The following KLHL5 variants were observed in gnomAD, a reference collection of about 807,000 sequenced individuals.
The protein encoded by KLHL5 is kelch-like protein 5.
Under a neutral mutation model 77.7 loss-of-function variants are expected in KLHL5, and 48 were observed. The observed-to-expected ratio is 0.62, with a 90% CI of 0.49 to 0.79. The LOEUF (loss-of-function observed/expected upper bound fraction) is 0.79, where lower values mean the gene tolerates loss of function less well. KLHL5 is among the 30% of genes least tolerant of loss of function. The pLI is 0.00. For missense variants in KLHL5, 723 were observed against 859.7 expected (o/e 0.84, Z 1.99); for synonymous variants, 260 against 297.0 (o/e 0.88, Z 1.28).
rs528072939 is a variant in KLHL5 at position 39,114,160 on chromosome 4, T to A, written c.1901+928T>A. On this transcript the variant is annotated intron_variant, in intron 9 of 10. Transcript: ENST00000504108. ...TAACAGAATATCCAGGACTGATTAA[T>A]TTATAAAGAAAAGAGGTTTATTTAG... 2.0e-5 allele frequency among the ~76,000 whole-genome samples: 3 copies of A among 152,322 alleles called. No homozygotes were observed. The East Asian group carries it at 5.8e-4, about 29-fold the overall frequency.
At chr4:39,104,928 G>C (rs1721904905) in intron 7 of KLHL5, among the ~76,000 whole-genome samples, 1 of 151,976 alleles carries the variant, frequency 6.6e-6, no homozygotes, top group African/African-American at 2.4e-5. Context: ...ACCACGCCCA[G>C]CTAATTTTTG....
At chr4:39,049,698 AAAATAAATAAATAAAAAAT>A (rs1392764769) in intron 1 of KLHL5, among the ~76,000 whole-genome samples, 6 of 147,672 alleles carry the variant, frequency 4.1e-5, no homozygotes, top group East Asian at 2.0e-4. Flanking sequence ...CCTTGTCTCA[AAAATAAATAAATAAAAAAT>A]AAATAAATAA....
the KLHL5 span, among the ~76,000 whole-genome samples, chr4:39,132,378 G>A: frequency 2.4e-3 from 364 of 152,254 alleles, 3 homozygotes; most frequent in Middle Eastern, 0.02. Flanking sequence ...GAAAGCTGAG[G>A]CGGGTGAATC....
At chr4:39,080,982 T>C in intron 2 of KLHL5, 121 bp from the exon 3 acceptor site, 1 of 920,464 alleles carries the variant, frequency 1.1e-6, no homozygotes. Flanking sequence ...TTGTCAAGCT[T>C]AAAATGCATT....
chr4:39,045,849 G>GT (rs1716142099), intron 1 of KLHL5, among the ~76,000 whole-genome samples: 1 of 147,770 alleles, frequency 6.8e-6, no homozygotes, highest in Non-Finnish European at 1.5e-5. Flanking sequence ...CCAATATTCT[G>GT]TTTCTGGTGT....
chr4:39,118,232 C>T (rs1272170387), intron 10 of KLHL5, among the ~76,000 whole-genome samples: 2 of 152,078 alleles, frequency 1.3e-5, no homozygotes, highest in Non-Finnish European at 2.9e-5. Flanking sequence ...AGGTTGAGTT[C>T]TGGTATTTTC....
chr4:39,068,970 T>C (rs1171327779), intron 1 of KLHL5, among the ~76,000 whole-genome samples: 3 of 152,208 alleles, frequency 2.0e-5, no homozygotes, highest in Non-Finnish European at 2.9e-5. Flanking sequence ...GAAGTTTGTT[T>C]TTCTATCACC....
At chr4:39,080,515 G>T (rs1719512990) in intron 2 of KLHL5, among the ~76,000 whole-genome samples, 1 of 148,786 alleles carries the variant, frequency 6.7e-6, no homozygotes, top group Non-Finnish European at 1.5e-5. Context: ...AACAGAATGA[G>T]ACTGTCTCAA....
rs562874108 is a variant in KLHL5 at position 39,083,358 on chromosome 4, T to C, written c.900+1199T>C. ...ATTGTTGTCATCATCATTATATAGA[T>C]TTCCTCTATCCAAAACAATAGAAAA... On this transcript the variant is annotated intron_variant, in intron 4 of 10. Transcript: ENST00000504108. 2.0e-5 allele frequency among the ~76,000 whole-genome samples: 3 copies of C among 152,278 alleles called. No individual in the cohort carries two copies. The South Asian group carries it at 6.2e-4, about 32-fold the overall frequency.
chr4:39,050,166 T>G (rs2109242247), intron 1 of KLHL5, among the ~76,000 whole-genome samples: 1 of 152,286 alleles, frequency 6.6e-6, no homozygotes, highest in Non-Finnish European at 1.5e-5. Flanking sequence ...TAAGGCATCA[T>G]TTACAGTATG....
In KLHL5 at chr4:39,081,669, CAA is replaced by C. The variant is rs879362229; in HGVS notation, c.704-280_704-279del. On this transcript the variant is annotated intron_variant, in intron 3 of 10. Coordinates refer to ENST00000504108, the MANE Select transcript of KLHL5 (RefSeq NM_015990.5). This position sits in a 1 kb window ranked among gnomAD's most constrained non-coding sequence, Gnocchi z 4.3. ...TGGGCAATAGAACAAGACCGTGTCT[CAA>C]AAAAAAAAAAAAATTGAGAGTTATA... Among the ~76,000 whole-genome samples, 12 of 114,162 alleles carry C rather than the reference CAA, an allele frequency of 1.1e-4. No individual in the cohort carries two copies. Among genetic ancestry groups the C allele is most frequent in the Non-Finnish European group, 9.4e-5 (5 of 53,156 alleles). 74.9% of individuals were successfully genotyped at this position (114,162 alleles called of 152,430 possible). A position where few individuals can be genotyped will look rare whatever the true frequency, so the allele number is the denominator to read the frequency against.
At chr4:39,051,193 T>C (rs1220067145) in intron 1 of KLHL5, among the ~76,000 whole-genome samples, 1 of 152,262 alleles carries the variant, frequency 6.6e-6, no homozygotes, top group Non-Finnish European at 1.5e-5. Context: ...AATAAATTTC[T>C]ATCATTTTCT....
chr4:39,141,304 C>CTTTTTTT, the KLHL5 span, among the ~76,000 whole-genome samples: 8 of 75,618 alleles, frequency 1.1e-4, no homozygotes, highest in Non-Finnish European at 1.5e-4. Context: ...ATTTTTTAGT[C>CTTTTTTT]TTTTTTTTTT....
intron 8 of KLHL5, among the ~76,000 whole-genome samples, chr4:39,110,194 T>C (rs908486822): frequency 6.6e-6 from 1 of 152,152 alleles, no homozygotes; most frequent in African/African-American, 2.4e-5. Context: ...TATTTACTTA[T>C]TATAAAAATC....
Position 39,124,133 on chromosome 4 carries a change from T to C in KLHL5, c.*3067T>C, listed in dbSNP as rs141422861. On this transcript the variant is annotated 3_prime_UTR_variant, in exon 11 of 11. Coordinates refer to ENST00000504108, the MANE Select transcript of KLHL5 (RefSeq NM_015990.5). ...AGTGCAAGACTTGGACACTGAAAAG[T>C]ACAAAACGTTGCTGAAAGAAATTAA... is the stretch of plus-strand genomic sequence containing the variant. Among the ~76,000 whole-genome samples the C allele has an allele frequency of 9.6e-3, 1,466 of 152,298 alleles. 15 individuals are homozygous for C. The highest frequency in any genetic ancestry group is 0.017 in the Non-Finnish European group (1,142 of 68,022).
chr4:39,106,168 G>C (rs77463616), intron 7 of KLHL5, among the ~76,000 whole-genome samples: 137 of 152,034 alleles, frequency 9.0e-4, no homozygotes, highest in African/African-American at 3.2e-3. Context: ...CACTCACCCT[G>C]CCTAGCCAGA....
upstream of KLHL5, among the ~76,000 whole-genome samples, chr4:39,057,659 A>G (rs1287195066): frequency 1.3e-5 from 2 of 152,198 alleles, no homozygotes; most frequent in African/African-American, 4.8e-5. Flanking sequence ...ATGCAATGCA[A>G]CTTACTCTTT....
intron 1 of KLHL5, among the ~76,000 whole-genome samples, chr4:39,049,713 A>AAAATAAATAAATAAAT (rs112120175): frequency 1.7e-4 from 3 of 18,124 alleles, no homozygotes; most frequent in African/African-American, 2.9e-4. Context: ...AAATAAATAA[A>AAAATAAATAAATAAAT]AAATAAATAA....
At position 39,123,116 on chromosome 4, in the gene KLHL5, A is replaced by G. The variant is rs531721041; in HGVS notation, c.*2050A>G. On this transcript the variant is annotated 3_prime_UTR_variant, in exon 11 of 11. Coordinates refer to ENST00000504108, the MANE Select transcript of KLHL5 (RefSeq NM_015990.5). Reference sequence around the variant, plus strand: ...TATTCATAGAAGCATTGTTGCCAACAATTTAGATGACCTCGATGAAAAAAC... The same window carrying G: ...TATTCATAGAAGCATTGTTGCCAACGATTTAGATGACCTCGATGAAAAAAC... Among the ~76,000 whole-genome samples, 1 of 152,334 alleles carries G rather than the reference A, an allele frequency of 6.6e-6. No individual in the cohort carries two copies. The highest frequency in any genetic ancestry group is 2.1e-4 in the South Asian group (1 of 4,830).
Sources: allele counts gnomAD v4.1 joint callset (sites outside exome capture counted in the v4.1 genomes callset), GRCh38; gene constraint gnomAD v4.1.1; non-coding constraint Gnocchi (gnomAD v3.1); transcripts MANE v1.5; gene names NCBI Gene and HGNC (gene_info 2026-07-23, HGNC 2026-07-21).